The following MUSK variants were observed in gnomAD, a reference collection of about 807,000 sequenced individuals.
MUSK encodes muscle associated receptor tyrosine kinase.
MUSK carries 55 observed loss-of-function variants against 88.7 expected under a neutral mutation model. That is an observed-to-expected ratio of 0.62 (90% CI 0.50 to 0.78). The LOEUF is 0.78. Ranked by LOEUF, MUSK falls within the 30% of genes least tolerant of loss-of-function variation. The probability of loss-of-function intolerance (pLI) is 0.00; values close to 1 mark genes in which losing one functional copy is unlikely to be tolerated. For missense variants in MUSK, 1,015 were observed against 1,074.3 expected, an observed-to-expected ratio of 0.94 and a Z score of 0.77; for synonymous variants, 387 against 391.9, an observed-to-expected ratio of 0.99 and a Z score of 0.15.
intron 1 of MUSK, among the ~76,000 whole-genome samples, chr9:110,669,589 C>T (rs2075931298): frequency 6.6e-6 from 1 of 152,166 alleles, no homozygotes; most frequent in Admixed American, 6.5e-5. Context: ...AAGTTTTTTT[C>T]AGAGCCTTTG....
chr9:110,805,442 A>T lies in MUSK; in HGVS notation c.*4454A>T, dbSNP rs2078149041. Among the ~76,000 whole-genome samples the T allele has an allele frequency of 6.6e-6, 1 of 151,898 alleles. No individual in the cohort carries two copies. The highest frequency in any genetic ancestry group is 1.5e-5 in the Non-Finnish European group (1 of 67,820). ...CTTCTTTAAATACTAATAAAATTGA[A>T]CATTGTTTAATGTTTTGAGGATACT... On this transcript the variant is annotated 3_prime_UTR_variant, in exon 15 of 15. Transcript: ENST00000374448.
At chr9:110,717,939 T>C (rs2076765430) in intron 5 of MUSK, among the ~76,000 whole-genome samples, 1 of 152,178 alleles carries the variant, frequency 6.6e-6, no homozygotes, top group Non-Finnish European at 1.5e-5. Flanking sequence ...AGAAACTCAA[T>C]GTTTTAAAAC....
intron 14 of MUSK, among the ~76,000 whole-genome samples, chr9:110,788,868 T>C (rs1197843955): frequency 6.6e-6 from 1 of 152,164 alleles, no homozygotes; most frequent in Non-Finnish European, 1.5e-5. Context: ...AGTGTGGATA[T>C]CTTGGGAAAG....
chr9:110,747,535 C>T (rs889089116), intron 6 of MUSK, 106 bp from the exon 7 acceptor site: 21 of 1,177,198 alleles, frequency 1.8e-5, no homozygotes, highest in Non-Finnish European at 2.5e-5. Flanking sequence ...TTGCAGTGTA[C>T]CACATGCACT....
intron 5 of MUSK, among the ~76,000 whole-genome samples, chr9:110,721,741 T>C (rs2076812894): frequency 6.6e-6 from 1 of 151,904 alleles, no homozygotes; most frequent in Non-Finnish European, 1.5e-5. Flanking sequence ...GAAAAAGCAA[T>C]CCTAAAATTC....
At chr9:110,676,304 T>A (rs533229123) in intron 1 of MUSK, among the ~76,000 whole-genome samples, 2 of 129,550 alleles carry the variant, frequency 1.5e-5, no homozygotes, top group African/African-American at 6.2e-5. Flanking sequence ...TGTGTGTATA[T>A]GTAAGTGTAT....
At chr9:110,701,463 CTT>C (rs1287210300) in intron 5 of MUSK, among the ~76,000 whole-genome samples, 1 of 151,908 alleles carries the variant, frequency 6.6e-6, no homozygotes, top group African/African-American at 2.4e-5. Flanking sequence ...TCTTTCTTTT[CTT>C]TTCTTTCTTT....
intron 1 of MUSK, among the ~76,000 whole-genome samples, chr9:110,670,270 T>C (rs997314891): frequency 1.3e-5 from 2 of 152,214 alleles, no homozygotes; most frequent in African/African-American, 2.4e-5. Context: ...AGACTTAACA[T>C]TGGCTTCAGA....
At chr9:110,705,826 T>C (rs1301428172) in intron 5 of MUSK, among the ~76,000 whole-genome samples, 1 of 152,216 alleles carries the variant, frequency 6.6e-6, no homozygotes, top group Non-Finnish European at 1.5e-5. Flanking sequence ...AAGCCCTGTC[T>C]CAGGCCCCCA....
At chr9:110,669,398 A>C (rs2075928680) in intron 1 of MUSK, among the ~76,000 whole-genome samples, 1 of 152,230 alleles carries the variant, frequency 6.6e-6, no homozygotes, top group African/African-American at 2.4e-5. Flanking sequence ...TTTGCTTCTG[A>C]ATAAAAATCA....
intron 9 of MUSK, among the ~76,000 whole-genome samples, chr9:110,773,185 T>G (rs575734999): frequency 6.6e-6 from 1 of 152,170 alleles, no homozygotes; most frequent in East Asian, 1.9e-4. Context: ...ATAAACAACT[T>G]ATATATAACT....
intron 2 of MUSK, among the ~76,000 whole-genome samples, chr9:110,683,225 T>C (rs1030287162): frequency 2.0e-5 from 3 of 152,112 alleles, no homozygotes; most frequent in African/African-American, 4.8e-5. Context: ...AGTGAGAACA[T>C]GCAATGTTTG....
At chr9:110,766,137 G>A (rs550140070) in intron 8 of MUSK, among the ~76,000 whole-genome samples, 34 of 152,236 alleles carry the variant, frequency 2.2e-4, no homozygotes, top group African/African-American at 7.2e-4. Context: ...AAATGTTTAG[G>A]TTTTATGGCT....
chr9:110,684,639 T>A (rs1028615909), intron 2 of MUSK, among the ~76,000 whole-genome samples: 8 of 152,094 alleles, frequency 5.3e-5, no homozygotes, highest in African/African-American at 1.7e-4. Context: ...TTTTTTGGTG[T>A]CCTCATGAAT....
At chr9:110,744,451 A>T (rs1161417948) in intron 6 of MUSK, among the ~76,000 whole-genome samples, 2 of 152,232 alleles carry the variant, frequency 1.3e-5, no homozygotes, top group African/African-American at 4.8e-5. Context: ...TGTATTAATG[A>T]TACATTAAGA....
chr9:110,787,381 A>G (rs2077890824), intron 13 of MUSK, among the ~76,000 whole-genome samples: 1 of 141,338 alleles, frequency 7.1e-6, no homozygotes, highest in South Asian at 2.3e-4. Flanking sequence ...AAAAAAAAAA[A>G]AGGTTAGGAT....
Position 110,775,871 on chromosome 9 carries a change from G to T in MUSK, c.1268G>T (p.Arg423Ile). The T allele has an allele frequency of 6.2e-7, 1 of 1,613,944 alleles. No homozygotes were observed. Residue 423 changes from arginine (R) to isoleucine (I), a missense_variant, in exon 10 of 15, where the codon AGA (arginine) becomes ATA (isoleucine). Coordinates refer to ENST00000374448, the MANE Select transcript of MUSK (RefSeq NM_005592.4). ...GAGAAGACCCACAGAGGACTCTACA[G>T]ATCCGAGATGCATTTGCTGTCCGTG... ...MEEKTHRGLY[R>I]SEMHLLSVPE...
chr9:110,685,767 C>T (rs2076187533), intron 2 of MUSK, among the ~76,000 whole-genome samples: 1 of 152,144 alleles, frequency 6.6e-6, no homozygotes, highest in Non-Finnish European at 1.5e-5. Context: ...TACCATGGAA[C>T]TCTCTTCCTT....
chr9:110,747,616 C>A (rs2077189311), intron 6 of MUSK, 25 bp from the exon 7 acceptor site: 12 of 1,595,484 alleles, frequency 7.5e-6, no homozygotes, highest in Middle Eastern at 1.7e-4. Flanking sequence ...TGACTGAGTT[C>A]TTTTATTTTC....
Sources: gnomAD v4.1 joint callset for allele counts (sites outside exome capture counted in the v4.1 genomes callset) on GRCh38, gnomAD v4.1.1 for gene constraint, MANE v1.5 for transcripts, NCBI Gene and HGNC (gene_info 2026-07-23, HGNC 2026-07-21) for gene names.